The following MSI2 variants were observed in gnomAD, a reference collection of about 807,000 sequenced individuals.
MSI2 encodes the protein musashi RNA binding protein 2.
MSI2 carries 17 observed loss-of-function variants against 45.6 expected under a neutral mutation model. The observed-to-expected ratio is 0.37, with a 90% confidence interval of 0.26 to 0.56. The LOEUF (loss-of-function observed/expected upper bound fraction) is 0.56. Among genes scored for constraint, MSI2 ranks in the 20% least tolerant of loss-of-function variants. The pLI is 0.77. For missense variants in MSI2, 293 were observed against 444.2 expected (o/e 0.66, Z 3.06); for synonymous variants, 156 against 158.2 (o/e 0.99, Z 0.11).
chr17:57,262,952 A>G (rs972334662), intron 5 of MSI2, among the ~76,000 whole-genome samples: 20 of 152,208 alleles, frequency 1.3e-4, no homozygotes, highest in Admixed American at 7.9e-4. Context: ...TACATGTTAC[A>G]TTTACACTTT....
At chr17:57,509,778 G>A (rs563613074) in intron 6 of MSI2, among the ~76,000 whole-genome samples, 2 of 151,706 alleles carry the variant, frequency 1.3e-5, no homozygotes, top group African/African-American at 4.9e-5. Context: ...CCAAGCAAAT[G>A]CAGTCCCCCC....
intron 10 of MSI2, among the ~76,000 whole-genome samples, chr17:57,650,160 G>T (rs1248928307): frequency 6.6e-6 from 1 of 151,882 alleles, no homozygotes; most frequent in Non-Finnish European, 1.5e-5. Flanking sequence ...CCAGAAAATG[G>T]ACCTTTTCTT....
At chr17:57,389,497 G>A (rs936745671) in intron 5 of MSI2, among the ~76,000 whole-genome samples, 3 of 152,108 alleles carry the variant, frequency 2.0e-5, no homozygotes, top group Non-Finnish European at 4.4e-5. Context: ...TAAGCTGCAG[G>A]TCATGCCCAG....
chr17:57,600,803 C>T (rs1214664287), intron 8 of MSI2: 1 of 152,244 alleles, frequency 6.6e-6, no homozygotes, highest in Non-Finnish European at 1.5e-5. Flanking sequence ...TAATAGCTGA[C>T]ATTGGGTGGT....
intron 6 of MSI2, among the ~76,000 whole-genome samples, chr17:57,489,688 A>C (rs940339557): frequency 2.0e-5 from 3 of 152,192 alleles, no homozygotes; most frequent in African/African-American, 7.2e-5. Context: ...TGGCACATGC[A>C]GCTCTTTCTC....
Position 57,401,435 on chromosome 17 carries a change from G to A in MSI2, c.369G>A (p.Val123=). ...FVGGLSANTV[V]EDVKQYFEQF... ...GCGGGTTATCTGCGAACACAGTAGT[G>A]GAAGATGTAAAGCAATATTTCGAGC... is the stretch of plus-strand genomic sequence containing the variant. The change falls in exon 6 of 14, where the codon GTG becomes GTA. Residue 123 remains valine, a synonymous_variant. Transcript: ENST00000284073. 5.0e-6 allele frequency: 8 copies of A among 1,614,200 alleles called. No homozygotes were observed. Among genetic ancestry groups the A allele is most frequent in the Non-Finnish European group, 6.8e-6 (8 of 1,180,014 alleles).
intron 9 of MSI2, 169 bp downstream of exon 9, chr17:57,616,253 T>TTA (rs140754210): frequency 3.5e-4 from 204 of 586,066 alleles, no homozygotes; most frequent in African/African-American, 3.3e-3. Flanking sequence ...GTTGTGATGA[T>TTA]TAAGTGTGGG....
At chr17:57,447,996 G>A (rs2084931550) in intron 6 of MSI2, among the ~76,000 whole-genome samples, 1 of 152,194 alleles carries the variant, frequency 6.6e-6, no homozygotes, top group African/African-American at 2.4e-5. Context: ...AGCAAGTTGT[G>A]AGCACTGAGG....
At chr17:57,514,831 C>G (rs965906981) in intron 6 of MSI2, among the ~76,000 whole-genome samples, 1 of 151,848 alleles carries the variant, frequency 6.6e-6, no homozygotes, top group African/African-American at 2.4e-5. Flanking sequence ...AATTTCCAAC[C>G]TCTCAGGGTC....
At chr17:57,322,881 C>T (rs916742909) in intron 5 of MSI2, among the ~76,000 whole-genome samples, 3 of 151,998 alleles carry the variant, frequency 2.0e-5, no homozygotes, top group Non-Finnish European at 4.4e-5. Context: ...TGGGGGGTTC[C>T]CAGGTGAAAA....
At chr17:57,352,492 G>A (rs1210675949) in intron 5 of MSI2, among the ~76,000 whole-genome samples, 1 of 152,212 alleles carries the variant, frequency 6.6e-6, no homozygotes, top group East Asian at 1.9e-4. Flanking sequence ...CCCAGGTGAA[G>A]GAGGGTGGAA....
At chr17:57,602,673 G>A (rs1204590246) in intron 8 of MSI2, among the ~76,000 whole-genome samples, 1 of 152,162 alleles carries the variant, frequency 6.6e-6, no homozygotes, top group East Asian at 1.9e-4. Flanking sequence ...GCTTTAAATA[G>A]TCCTTTTTCT....
intron 7 of MSI2, among the ~76,000 whole-genome samples, chr17:57,537,674 G>A (rs976552838): frequency 2.0e-5 from 3 of 152,120 alleles, no homozygotes; most frequent in Admixed American, 1.3e-4. Flanking sequence ...ACTCAATTCC[G>A]GAAGCGCCCA....
At chr17:57,580,749 C>T (rs974555781) in intron 7 of MSI2, among the ~76,000 whole-genome samples, 2 of 152,128 alleles carry the variant, frequency 1.3e-5, no homozygotes, top group Non-Finnish European at 2.9e-5. Context: ...GCACTGGAGA[C>T]GACAACTAGG....
chr17:57,363,790 A>G (rs1361683645), intron 5 of MSI2, among the ~76,000 whole-genome samples: 1 of 147,186 alleles, frequency 6.8e-6, no homozygotes, highest in Non-Finnish European at 1.5e-5. Flanking sequence ...AACAACAACA[A>G]CAAACAACAA....
chr17:57,663,865 C>T (rs561976303), intron 11 of MSI2, among the ~76,000 whole-genome samples: 15 of 152,310 alleles, frequency 9.8e-5, no homozygotes, highest in Admixed American at 5.9e-4. Context: ...GAGGTTTACA[C>T]TGTGTTCAGG....
intron 5 of MSI2, chr17:57,263,777 G>GT (rs1396338715): frequency 1.3e-5 from 2 of 152,192 alleles, no homozygotes; most frequent in African/African-American, 4.8e-5. Context: ...GAGACAGAAT[G>GT]TTTCTCAAAC....
intron 6 of MSI2, among the ~76,000 whole-genome samples, chr17:57,471,510 G>T (rs1377704445): frequency 6.6e-6 from 1 of 151,926 alleles, no homozygotes; most frequent in Non-Finnish European, 1.5e-5. Flanking sequence ...TGAACTTTAT[G>T]GAGCACTTTC....
chr17:57,297,447 T>TA (rs139197711), intron 5 of MSI2, among the ~76,000 whole-genome samples: 9 of 151,782 alleles, frequency 5.9e-5, no homozygotes, highest in Non-Finnish European at 8.8e-5. Flanking sequence ...ATACATTTGA[T>TA]AAAAAAAAAT....
Sources: allele counts gnomAD v4.1 joint callset (sites outside exome capture counted in the v4.1 genomes callset), GRCh38; gene constraint gnomAD v4.1.1; transcripts MANE v1.5; gene names NCBI Gene and HGNC (gene_info 2026-07-23, HGNC 2026-07-21).